The following ENTPD2 variants were observed in gnomAD, a reference collection of about 807,000 sequenced individuals.
ENTPD2 encodes CD39 antigen-like 1.
ENTPD2 carries 48 observed loss-of-function variants against 46.8 expected under a neutral mutation model. The observed-to-expected ratio is 1.03, with a 90% confidence interval of 0.81 to 1.30. ENTPD2 has a LOEUF of 1.30. ENTPD2 is among the 50% of genes most tolerant of loss of function. The pLI is 0.00. For missense variants in ENTPD2, 707 were observed against 651.1 expected (o/e 1.09, Z -0.93); for synonymous variants, 316 against 286.1 (o/e 1.10, Z -1.06).
In ENTPD2 at chr9:137,050,390, T is replaced by G. The variant is rs747541909; in HGVS notation, c.923A>C (p.His308Pro). The part of the protein sequence containing the change: ...RVSLSGSSDP[H>P]LCRDLVSGLF... Reference sequence around the variant, plus strand: ...CCCAGAAACCAGATCTCGGCAGAGGTGGGGGTCACTGCTCCCTGACAGGCT... The same window carrying G: ...CCCAGAAACCAGATCTCGGCAGAGGGGGGGGTCACTGCTCCCTGACAGGCT... The change falls in exon 6 of 9, where the codon CAC becomes CCC. Residue 308 changes from histidine to proline, a missense_variant. His to Pro is a moderately conservative substitution (Grantham distance 77, BLOSUM62 -2). Transcript: ENST00000355097. 1.2e-6 allele frequency: 2 copies of G among 1,612,604 alleles called. No individual in the cohort carries two copies. Among genetic ancestry groups the G allele is most frequent in the East Asian group, 4.5e-5 (2 of 44,868 alleles).
At chr9:137,050,603 C>G in intron 5 of ENTPD2, 65 bp from the exon 6 acceptor site, 1 of 1,561,156 alleles carries the variant, frequency 6.4e-7, no homozygotes, top group Non-Finnish European at 8.7e-7. Context: ...CCTGACAAAC[C>G]TCCCACAGGT....
At chr9:137,049,249 C>A in intron 7 of ENTPD2, 174 bp from the exon 8 acceptor site, 1 of 1,129,112 alleles carries the variant, frequency 8.9e-7, no homozygotes, top group South Asian at 1.3e-5. Flanking sequence ...CGAGGGGCAC[C>A]CCCGGCAGGG....
rs11145978 is a variant in ENTPD2, at chr9:137,052,453, C to A, written c.118-105G>T. On this transcript the variant is annotated intron_variant, in intron 1 of 8. Transcript: ENST00000355097. ...TCCAGTTTGCCACCGCTCCCCCCCCCACCCAGTCATGTGCCAAGCCTCATG... is the reference window on the plus strand; with the variant it reads ...TCCAGTTTGCCACCGCTCCCCCCCCAACCCAGTCATGTGCCAAGCCTCATG... 3.9e-3 allele frequency: 3,293 copies of A among 836,640 alleles called. 12 individuals are homozygous for A. The highest frequency in any genetic ancestry group is 9.4e-3 in the East Asian group (337 of 35,922). The allele number at this position is 836,640 out of a possible 1,614,324, so 51.8% of individuals were successfully genotyped here. A position where few individuals can be genotyped will look rare whatever the true frequency, so the allele number is the denominator to read the frequency against.
intron 7 of ENTPD2, chr9:137,049,290 A>G (rs963978860): frequency 2.4e-6 from 2 of 831,742 alleles, no homozygotes; most frequent in African/African-American, 3.4e-5. Context: ...GCCAGCGCCC[A>G]TGCCTGGAAG....
rs1832195416 is a variant in ENTPD2, at chr9:137,048,865, G to C, written c.1285-5C>G. ...GCCCACTGCAGTGTCCGCGGCCTGC[G>C]GGGAAGGGCGTGGCCTCAGCTCCCG... is the stretch of plus-strand genomic sequence containing the variant. On this transcript the variant is annotated splice_region_variant and splice_polypyrimidine_tract_variant and intron_variant, in intron 8 of 8. Transcript: ENST00000355097. The C allele has an allele frequency of 2.6e-6, 4 of 1,525,812 alleles. No homozygotes were observed. The highest frequency in any genetic ancestry group is 2.6e-6 in the Non-Finnish European group (3 of 1,139,038). The allele number at this position is 1,525,812 out of a possible 1,614,324, so 94.5% of individuals were successfully genotyped here. A position where few individuals can be genotyped will look rare whatever the true frequency, so the allele number is the denominator to read the frequency against.
intron 7 of ENTPD2, chr9:137,049,474 TGGG>T (rs1417637641): frequency 2.2e-6 from 1 of 447,534 alleles, no homozygotes; most frequent in Non-Finnish European, 4.1e-6. Context: ...GAGGACAAAA[TGGG>T]GCCTCGCTCA....
chr9:137,049,565 C>A (rs1035598855), intron 7 of ENTPD2: 5 of 450,348 alleles, frequency 1.1e-5, no homozygotes, highest in Non-Finnish European at 2.0e-5. Flanking sequence ...AGACCCACTT[C>A]CATCTTCCCT....
At position 137,054,042 on chromosome 9, in the gene ENTPD2, G is replaced by C. The variant is rs1243859668; in HGVS notation, c.-45C>G. 3.4e-6 allele frequency: 4 copies of C among 1,166,358 alleles called. No homozygotes were observed. The highest frequency in any genetic ancestry group is 4.3e-6 in the Non-Finnish European group (4 of 937,246). 72.3% of individuals were successfully genotyped at this position (1,166,358 alleles called of 1,614,324 possible). A position where few individuals can be genotyped will look rare whatever the true frequency, so the allele number is the denominator to read the frequency against. On this transcript the variant is annotated 5_prime_UTR_variant, in exon 1 of 9. Coordinates refer to ENST00000355097, the MANE Select transcript of ENTPD2 (RefSeq NM_203468.3). Reference sequence around the variant, plus strand: ...AGGACGATGCGTGGACCCGGAGAGTGCGGGGAGCCGGAGGCGGAGGCGGGC... The same window carrying C: ...AGGACGATGCGTGGACCCGGAGAGTCCGGGGAGCCGGAGGCGGAGGCGGGC...
In ENTPD2 at chr9:137,048,913, GGCCCCGCCCC is replaced by G. The variant is rs753237383; in HGVS notation, c.1284+18_1284+27del. 34 of 1,478,386 alleles carry G rather than the reference GGCCCCGCCCC, an allele frequency of 2.3e-5. No individual in the cohort carries two copies. The highest frequency in any genetic ancestry group is 1.9e-4 in the Middle Eastern group (1 of 5,248). 91.6% of individuals were successfully genotyped at this position (1,478,386 alleles called of 1,614,324 possible). On this transcript the variant is annotated intron_variant, in intron 8 of 8. Coordinates refer to ENST00000355097, the MANE Select transcript of ENTPD2 (RefSeq NM_203468.3). ...CCGAGAGGCCCCGCCCCGCAAGGTCGGCCCCGCCCCGCCCCGCCCCAGCCCACCTTCTTCT... is the reference window on the plus strand; with the variant it reads ...CCGAGAGGCCCCGCCCCGCAAGGTCGGCCCCGCCCCAGCCCACCTTCTTCT...
intron 1 of ENTPD2, chr9:137,053,254 C>G (rs1348263483): frequency 6.6e-6 from 1 of 152,440 alleles, no homozygotes; most frequent in Non-Finnish European, 1.5e-5. Context: ...CCCCTACAAG[C>G]CCAATAAAGG....
At chr9:137,051,727 G>C (rs1588556417) in intron 2 of ENTPD2, 67 bp from the exon 3 acceptor site, 2 of 1,507,948 alleles carry the variant, frequency 1.3e-6, no homozygotes, top group East Asian at 4.7e-5. Context: ...TAGGCCAGGA[G>C]AGTGAGGGTG....
chr9:137,052,451 C>A (rs929803682), intron 1 of ENTPD2, 103 bp from the exon 2 acceptor site: 6 of 868,378 alleles, frequency 6.9e-6, no homozygotes, highest in Non-Finnish European at 1.0e-5. Context: ...CGCTCCCCCC[C>A]CCACCCAGTC....
At chr9:137,050,736 C>T (rs1832268442) in intron 5 of ENTPD2, among the ~76,000 whole-genome samples, 166 bp downstream of exon 5, 1 of 152,196 alleles carries the variant, frequency 6.6e-6, no homozygotes, top group African/African-American at 2.4e-5. Context: ...CTCCCTTCTC[C>T]AGGCCCAGCC....
intron 7 of ENTPD2, 169 bp from the exon 8 acceptor site, chr9:137,049,244 G>T (rs1257884403): frequency 4.3e-6 from 5 of 1,153,548 alleles, no homozygotes; most frequent in African/African-American, 3.1e-5. Flanking sequence ...GAGTCCGAGG[G>T]GCACCCCCGG....
chr9:137,049,221 GAAT>G, intron 7 of ENTPD2, 146 bp from the exon 8 acceptor site: 2 of 1,351,304 alleles, frequency 1.5e-6, no homozygotes, highest in African/African-American at 2.9e-5. Context: ...GCCCGGACAC[GAAT>G]GGCAAGACCG....
Position 137,052,340 on chromosome 9 carries a change from G to T in ENTPD2, c.126C>A (p.Ile42=), listed in dbSNP as rs140533815. 9 of 1,584,132 alleles carry T rather than the reference G, an allele frequency of 5.7e-6. No homozygotes were observed. The African/African-American group carries it at 9.5e-5, about 17-fold the overall frequency. Residue 42 remains isoleucine, a synonymous_variant, in exon 2 of 9, where the codon ATC becomes ATA. Coordinates refer to ENST00000355097, the MANE Select transcript of ENTPD2 (RefSeq NM_203468.3). Reference sequence around the variant, plus strand: ...TGTGTGAAGAACCAGCGTCCAGGACGATGCCATACTGCGGGGGAGGGGGAG... The same window carrying T: ...TGTGTGAAGAACCAGCGTCCAGGACTATGCCATACTGCGGGGGAGGGGGAG... The part of the protein sequence containing the change: ...VREPPALKYG[I]VLDAGSSHTS...
At chr9:137,049,735 G>C (rs1190086424) in intron 7 of ENTPD2, 135 bp downstream of exon 7, 7 of 1,059,860 alleles carry the variant, frequency 6.6e-6, no homozygotes, top group Non-Finnish European at 9.3e-6. Context: ...CACCTCTGGA[G>C]TCAGCCTAAT....
rs371648294 is a variant in ENTPD2 at position 137,050,326 on chromosome 9, A to T, written c.987T>A (p.Ser329=). Residue 329 remains serine (S), a synonymous_variant, in exon 6 of 9, where the codon TCT becomes TCA. Coordinates refer to ENST00000355097, the MANE Select transcript of ENTPD2 (RefSeq NM_203468.3). ...CTGGGGGCTGGAAGACCCCATTGAA[A>T]GAGCATCGGGAGAAGGGGCAGGAGG... ...SFSSCPFSRC[S]FNGVFQPPVA... The T allele has an allele frequency of 6.2e-7, 1 of 1,611,854 alleles. No individual in the cohort carries two copies. Among genetic ancestry groups the T allele is most frequent in the Non-Finnish European group, 8.5e-7 (1 of 1,179,260 alleles).
chr9:137,052,601 C>A (rs1440392085), intron 1 of ENTPD2: 1 of 366,582 alleles, frequency 2.7e-6, no homozygotes, highest in Non-Finnish European at 5.1e-6. Flanking sequence ...GTCTGGGCAG[C>A]AGCCTTCCTG....
Sources: allele counts gnomAD v4.1 joint callset (sites outside exome capture counted in the v4.1 genomes callset), GRCh38; gene constraint gnomAD v4.1.1; transcripts MANE v1.5; gene names NCBI Gene and HGNC (gene_info 2026-07-23, HGNC 2026-07-21).